Variants in BAIAP2L1 observed in about 807,000 individuals in gnomAD.
BAIAP2L1 encodes BAR/IMD domain-containing adapter protein 2-like 1.
Under a neutral mutation model 66.3 loss-of-function variants are expected in BAIAP2L1, and 35 were observed. That is an observed-to-expected ratio of 0.53 (90% CI 0.40 to 0.70). The LOEUF (loss-of-function observed/expected upper bound fraction) is 0.70. Among genes scored for constraint, BAIAP2L1 ranks in the 30% least tolerant of loss-of-function variants. BAIAP2L1 has a pLI of 0.00. For missense variants in BAIAP2L1, 622 were observed against 656.9 expected (o/e 0.95, Z 0.58); for synonymous variants, 269 against 248.7 (o/e 1.08, Z -0.77).
At chr7:98,360,804 C>T (rs1802252682) in intron 2 of BAIAP2L1, among the ~76,000 whole-genome samples, 1 of 152,180 alleles carries the variant, frequency 6.6e-6, no homozygotes, top group South Asian at 2.1e-4. Context: ...TTGCAGAAGT[C>T]ACGGGGACCA....
intron 1 of BAIAP2L1, among the ~76,000 whole-genome samples, chr7:98,396,754 C>T (rs1351040205): frequency 1.3e-5 from 2 of 152,142 alleles, no homozygotes; most frequent in African/African-American, 4.8e-5. Flanking sequence ...CACCACTGCA[C>T]TCCAGCCTGA....
At chr7:98,300,492 G>A (rs571937999) in intron 12 of BAIAP2L1, among the ~76,000 whole-genome samples, 3 of 152,316 alleles carry the variant, frequency 2.0e-5, no homozygotes, top group South Asian at 2.1e-4. Flanking sequence ...AGATGACCGC[G>A]CCATGTCTTA....
intron 3 of BAIAP2L1, among the ~76,000 whole-genome samples, chr7:98,333,281 C>T (rs1188954925): frequency 6.6e-6 from 1 of 152,114 alleles, no homozygotes; most frequent in Non-Finnish European, 1.5e-5. Flanking sequence ...ACAATGCCTA[C>T]GAGACAGGAG....
chr7:98,387,011 C>A, intron 1 of BAIAP2L1, among the ~76,000 whole-genome samples: 1 of 152,158 alleles, frequency 6.6e-6, no homozygotes, highest in East Asian at 1.9e-4. Flanking sequence ...CCAAAGACTT[C>A]CTTAAAGACT....
chr7:98,332,537 C>A (rs1801521213), intron 3 of BAIAP2L1, among the ~76,000 whole-genome samples: 1 of 151,472 alleles, frequency 6.6e-6, no homozygotes, highest in Admixed American at 6.6e-5. Context: ...AGGCCTGGCG[C>A]AGTGGCTCAC....
At chr7:98,303,451 C>A (rs888404702) in intron 12 of BAIAP2L1, among the ~76,000 whole-genome samples, 1 of 152,220 alleles carries the variant, frequency 6.6e-6, no homozygotes, top group African/African-American at 2.4e-5. Context: ...GATGTCCAGC[C>A]GCGCTGCTCC....
chr7:98,363,922 C>T (rs535597815), intron 1 of BAIAP2L1, among the ~76,000 whole-genome samples: 19 of 152,290 alleles, frequency 1.2e-4, no homozygotes, highest in African/African-American at 3.4e-4. Context: ...TGAAAAACAA[C>T]CCATGCCTCG....
At position 98,399,686 on chromosome 7, in the gene BAIAP2L1, CAG is replaced by C. The variant is rs1188566505; in HGVS notation, c.51+1114_51+1115del. 9.2e-5 allele frequency among the ~76,000 whole-genome samples: 14 copies of C among 152,296 alleles called. 1 individual carries two copies. Among genetic ancestry groups the C allele is most frequent in the South Asian group, 6.2e-4 (3 of 4,820 alleles). On this transcript the variant is annotated intron_variant, in intron 1 of 13. Coordinates refer to ENST00000005260, the MANE Select transcript of BAIAP2L1 (RefSeq NM_018842.5). ...TGTTCTATTAATAGCAGATGATTAA[CAG>C]ATATCTTATTTCACCTGGAATTCAT...
chr7:98,329,830 A>G (rs1487396223), intron 3 of BAIAP2L1, among the ~76,000 whole-genome samples: 1 of 152,178 alleles, frequency 6.6e-6, no homozygotes, highest in East Asian at 1.9e-4. Flanking sequence ...TCCCCTCCCC[A>G]GTACTTGGCC....
rs536510251 is a variant in BAIAP2L1 at position 98,370,565 on chromosome 7, G to A, written c.52-8133C>T. On this transcript the variant is annotated intron_variant, in intron 1 of 13. Coordinates refer to ENST00000005260, the MANE Select transcript of BAIAP2L1 (RefSeq NM_018842.5). ...TGTCGCCCAGGGAGTGCAGTGGCGCGATCTCGGCTCACTGCAAGCTCCGCC... is the reference window on the plus strand; with the variant it reads ...TGTCGCCCAGGGAGTGCAGTGGCGCAATCTCGGCTCACTGCAAGCTCCGCC... 7.3e-5 allele frequency among the ~76,000 whole-genome samples: 11 copies of A among 151,598 alleles called. No homozygotes were observed. In the East Asian group the frequency reaches 2.2e-3, roughly 30 times the overall value.
At chr7:98,337,019 G>A (rs1038873904) in intron 3 of BAIAP2L1, among the ~76,000 whole-genome samples, 3 of 152,146 alleles carry the variant, frequency 2.0e-5, no homozygotes, top group African/African-American at 7.2e-5. Context: ...GAGGACTGCT[G>A]TGAAAACTAA....
chr7:98,331,969 T>C (rs1562976228), intron 3 of BAIAP2L1, among the ~76,000 whole-genome samples: 1 of 152,132 alleles, frequency 6.6e-6, no homozygotes, highest in African/African-American at 2.4e-5. Context: ...GATAAAGACA[T>C]TCTCAGACAA....
chr7:98,395,695 A>G (rs1803189359), intron 1 of BAIAP2L1, among the ~76,000 whole-genome samples: 1 of 152,216 alleles, frequency 6.6e-6, no homozygotes, highest in South Asian at 2.1e-4. Context: ...AAGTTAAACT[A>G]AATTTTATGC....
chr7:98,322,179 GGA>G (rs886563586), intron 3 of BAIAP2L1, among the ~76,000 whole-genome samples: 1 of 152,056 alleles, frequency 6.6e-6, no homozygotes, highest in East Asian at 1.9e-4. Context: ...TAGAATATGG[GGA>G]GAGAGAGAAA....
intron 3 of BAIAP2L1, among the ~76,000 whole-genome samples, chr7:98,333,308 G>A (rs1286048685): frequency 1.3e-5 from 2 of 152,122 alleles, no homozygotes; most frequent in African/African-American, 4.8e-5. Flanking sequence ...ATTTAAATGA[G>A]CACACTGGGC....
intron 3 of BAIAP2L1, among the ~76,000 whole-genome samples, chr7:98,343,200 C>T (rs1248098577): frequency 6.6e-6 from 1 of 150,562 alleles, no homozygotes; most frequent in Non-Finnish European, 1.5e-5. Flanking sequence ...GAGTTCGAGA[C>T]CAGCCTGGCC....
intron 3 of BAIAP2L1, among the ~76,000 whole-genome samples, chr7:98,336,591 G>A (rs1801623334): frequency 6.6e-6 from 1 of 152,132 alleles, no homozygotes; most frequent in African/African-American, 2.4e-5. Flanking sequence ...ACTCCAGCCT[G>A]GGCAACACAG....
chr7:98,373,868 G>A (rs1449734576), intron 1 of BAIAP2L1, among the ~76,000 whole-genome samples: 1 of 152,156 alleles, frequency 6.6e-6, no homozygotes, highest in African/African-American at 2.4e-5. Flanking sequence ...ATCAGGACGA[G>A]GGAGATCATG....
chr7:98,306,358 A>C, intron 11 of BAIAP2L1, 81 bp downstream of exon 11: 18 of 1,529,522 alleles, frequency 1.2e-5, no homozygotes, highest in Non-Finnish European at 1.6e-5. Context: ...GGCCTGCGAC[A>C]CAGCTAGATG....
Sources: allele counts gnomAD v4.1 joint callset (sites outside exome capture counted in the v4.1 genomes callset), GRCh38; gene constraint gnomAD v4.1.1; transcripts MANE v1.5; gene names NCBI Gene and HGNC (gene_info 2026-07-23, HGNC 2026-07-21).